Variants in MAP2 observed in about 807,000 individuals in gnomAD.
MAP2 encodes the protein microtubule associated protein 2.
Under a neutral mutation model 137.6 loss-of-function variants are expected in MAP2, and 14 were observed. That is an observed-to-expected ratio of 0.10 (90% confidence interval 0.07 to 0.16). MAP2 has a LOEUF of 0.16. Ranked by LOEUF, MAP2 falls within the 10% of genes least tolerant of loss-of-function variation. The probability of loss-of-function intolerance (pLI) is 1.00; values close to 1 mark genes in which losing one functional copy is unlikely to be tolerated. For synonymous variants in MAP2, 786 were observed against 782.3 expected, an observed-to-expected ratio of 1.00 and a Z score of -0.08; for missense variants, 2,088 against 2,191.5, an observed-to-expected ratio of 0.95 and a Z score of 0.94.
At chr2:209,606,295 C>A (rs914223166) in intron 3 of MAP2, among the ~76,000 whole-genome samples, 1 of 152,094 alleles carries the variant, frequency 6.6e-6, no homozygotes, top group African/African-American at 2.4e-5. Flanking sequence ...AAAAGAAAAA[C>A]TTCCAGGTGA....
chr2:209,671,224 A>G (rs13428159), intron 5 of MAP2, among the ~76,000 whole-genome samples: 6,952 of 151,990 alleles, frequency 0.046, 212 homozygotes, highest in African/African-American at 0.088. Context: ...AGGGTGAGAC[A>G]TGCCAATGCT....
intron 13 of MAP2, among the ~76,000 whole-genome samples, chr2:209,717,715 T>C (rs1237993869): frequency 6.6e-6 from 1 of 152,220 alleles, no homozygotes; most frequent in African/African-American, 2.4e-5. Context: ...CTCATTCACA[T>C]ATTTATTCTT....
At chr2:209,665,728 A>G (rs1352339994) in intron 5 of MAP2, among the ~76,000 whole-genome samples, 2 of 152,202 alleles carry the variant, frequency 1.3e-5, no homozygotes, top group African/African-American at 4.8e-5. Flanking sequence ...AAACAACATT[A>G]TCATATCAAA....
chr2:209,719,989 A>G (rs2069575742), intron 13 of MAP2, among the ~76,000 whole-genome samples: 1 of 152,158 alleles, frequency 6.6e-6, no homozygotes, highest in Admixed American at 6.5e-5. Flanking sequence ...TTACAGACTC[A>G]AATTGGAATG....
intron 5 of MAP2, among the ~76,000 whole-genome samples, chr2:209,677,180 T>C (rs1488041789): frequency 6.6e-6 from 1 of 151,836 alleles, no homozygotes; most frequent in Non-Finnish European, 1.5e-5. Context: ...CTCATAATGC[T>C]TTGGTGACTG....
Position 209,705,586 on chromosome 2 carries a change from G to A in MAP2, c.4591G>A (p.Val1531Ile), listed in dbSNP as rs746921940. Residue 1531 changes from valine (V) to isoleucine (I), a missense_variant, in exon 12 of 16, where the codon GTA becomes ATA. Physicochemically the swap from Val to Ile is conservative, Grantham distance 29. Around this residue, in one of 6 missense-constraint regions of MAP2, gnomAD observed 591 missense variants for 642.6 expected, o/e 0.92. Coordinates refer to ENST00000682079, the MANE Select transcript of MAP2 (RefSeq NM_001375505.1). ...KQAKDKVSDG[V>I]TKSPEKRSSL... Reference sequence around the variant, plus strand: ...TTTTGTTTTCTCCAATCAGGACGGAGTAACCAAGAGCCCAGAAAAGCGCTC... The same window carrying A: ...TTTTGTTTTCTCCAATCAGGACGGAATAACCAAGAGCCCAGAAAAGCGCTC... 38 of 1,609,548 alleles carry A rather than the reference G, an allele frequency of 2.4e-5. No individual in the cohort carries two copies. The highest frequency in any genetic ancestry group is 5.4e-5 in the African/African-American group (4 of 74,716).
chr2:209,609,594 T>C (rs186078083), intron 3 of MAP2, among the ~76,000 whole-genome samples: 46 of 152,308 alleles, frequency 3.0e-4, no homozygotes, highest in Non-Finnish European at 5.9e-4. Context: ...TAGGTGGTCT[T>C]TTGTAGAAGG....
At chr2:209,492,197 T>C (rs1226806183) in intron 1 of MAP2, among the ~76,000 whole-genome samples, 1 of 152,184 alleles carries the variant, frequency 6.6e-6, no homozygotes, top group Non-Finnish European at 1.5e-5. Flanking sequence ...AACACATGAT[T>C]ATCTCAATGG....
intron 2 of MAP2, among the ~76,000 whole-genome samples, chr2:209,567,678 A>G (rs1248256382): frequency 4.0e-5 from 6 of 151,310 alleles, no homozygotes; most frequent in African/African-American, 1.2e-4. Flanking sequence ...TAGCAAAAGG[A>G]AAAAAAAAGC....
chr2:209,477,328 T>C (rs956131422), intron 1 of MAP2, among the ~76,000 whole-genome samples: 1 of 151,904 alleles, frequency 6.6e-6, no homozygotes, highest in Non-Finnish European at 1.5e-5. Context: ...GAAAATGTTA[T>C]ATTGAAAAAA....
At chr2:209,485,314 G>T (rs898231458) in intron 1 of MAP2, among the ~76,000 whole-genome samples, 21 of 152,074 alleles carry the variant, frequency 1.4e-4, no homozygotes, top group Admixed American at 2.0e-4. Flanking sequence ...ATAATTTTGT[G>T]CTTGGCTCAA....
chr2:209,564,077 A>G (rs548927572), intron 2 of MAP2, among the ~76,000 whole-genome samples: 2 of 152,324 alleles, frequency 1.3e-5, no homozygotes, highest in South Asian at 4.1e-4. Flanking sequence ...CCTTGATCAG[A>G]GCATTTTTTT....
intron 1 of MAP2, among the ~76,000 whole-genome samples, chr2:209,453,879 T>C (rs1207665848): frequency 6.6e-6 from 1 of 151,898 alleles, no homozygotes; most frequent in African/African-American, 2.4e-5. Context: ...AGGCCGGGTG[T>C]CGTGGCTCAC....
At chr2:209,472,850 A>G (rs1706127857) in intron 1 of MAP2, among the ~76,000 whole-genome samples, 1 of 152,190 alleles carries the variant, frequency 6.6e-6, no homozygotes, top group Non-Finnish European at 1.5e-5. Flanking sequence ...CTAGCAATGA[A>G]TTAGAAGGAA....
In MAP2 at chr2:209,593,634, AAT is replaced by A. The variant is rs58330460; in HGVS notation, c.-107+13573_-107+13574del. On this transcript the variant is annotated intron_variant, in intron 3 of 15. Transcript: ENST00000682079. The stretch of plus-strand genomic sequence containing the variant: ...CCTGTCTCTACAAAAAAAAAAAAAA[AAT>A]ATATATATATATATATATATATATA... Among the ~76,000 whole-genome samples the A allele has an allele frequency of 8.0e-3, 269 of 33,606 alleles. 10 individuals are homozygous for A. Among genetic ancestry groups the A allele is most frequent in the African/African-American group, 0.02 (157 of 7,918 alleles). The allele number at this position is 33,606 out of a possible 152,430, so 22.0% of individuals were successfully genotyped here.
intron 5 of MAP2, among the ~76,000 whole-genome samples, chr2:209,664,962 C>CA (rs67286716): frequency 0.09 from 4,667 of 51,586 alleles, 368 homozygotes; most frequent in Non-Finnish European, 0.13. Context: ...AACTCCGTCT[C>CA]AAAAAAAAAA....
chr2:209,434,833 C>CTA (rs869181860), intron 1 of MAP2, among the ~76,000 whole-genome samples: 1,818 of 93,130 alleles, frequency 0.02, 45 homozygotes, highest in South Asian at 0.04. Context: ...CTCTCTCTCT[C>CTA]TATATATATA....
chr2:209,658,404 G>A (rs1379169170), intron 5 of MAP2, among the ~76,000 whole-genome samples: 1 of 151,858 alleles, frequency 6.6e-6, no homozygotes, highest in Non-Finnish European at 1.5e-5. Flanking sequence ...ACAGGGATGT[G>A]CAAACAAAGT....
At chr2:209,506,150 T>C (rs1169234332) in intron 1 of MAP2, among the ~76,000 whole-genome samples, 1 of 152,110 alleles carries the variant, frequency 6.6e-6, no homozygotes, top group African/African-American at 2.4e-5. Flanking sequence ...CTAAAGGCAT[T>C]AATCTTAAAT....
Sources: allele counts gnomAD v4.1 joint callset (sites outside exome capture counted in the v4.1 genomes callset), GRCh38; gene constraint gnomAD v4.1.1; regional missense constraint gnomAD v4.1.1; transcripts MANE v1.5; gene names NCBI Gene and HGNC (gene_info 2026-07-23, HGNC 2026-07-21).